The following XRCC5 variants were observed in gnomAD, a reference collection of about 807,000 sequenced individuals.
The protein encoded by XRCC5 is X-ray repair cross complementing 5, also known as DNA repair protein Ku80.
Under a neutral mutation model 95.7 loss-of-function variants are expected in XRCC5, and 12 were observed. That is an observed-to-expected ratio of 0.13 (90% CI 0.08 to 0.20). The LOEUF (loss-of-function observed/expected upper bound fraction) is 0.20. Among genes scored for constraint, XRCC5 ranks in the 10% least tolerant of loss-of-function variants. XRCC5 has a pLI of 1.00. For synonymous variants in XRCC5, 281 were observed against 290.3 expected, an observed-to-expected ratio of 0.97 and a Z score of 0.33; for missense variants, 595 against 873.9, an observed-to-expected ratio of 0.68 and a Z score of 4.02.
rs1696706517 is a variant in XRCC5 at position 216,116,859 on chromosome 2, A to G, written c.319+17A>G. On this transcript the variant is annotated intron_variant, in intron 3 of 20. Coordinates refer to ENST00000392132, the MANE Select transcript of XRCC5 (RefSeq NM_021141.4). The stretch of plus-strand genomic sequence containing the variant: ...AGGCTGACTGTATCCTTTTTCTGCC[A>G]GAGAAGACTTTAAGAAATTTCCTTT... 1.9e-6 allele frequency: 3 copies of G among 1,610,138 alleles called. No homozygotes were observed. Among genetic ancestry groups the G allele is most frequent in the Non-Finnish European group, 2.5e-6 (3 of 1,177,228 alleles).
chr2:216,159,288 G>A (rs1219701489), intron 14 of XRCC5, among the ~76,000 whole-genome samples: 2 of 152,144 alleles, frequency 1.3e-5, no homozygotes, highest in Non-Finnish European at 2.9e-5. Flanking sequence ...GAGATTACAG[G>A]CAGAGTCTTT....
chr2:216,119,473 A>G (rs886102440), intron 5 of XRCC5, among the ~76,000 whole-genome samples: 7 of 152,174 alleles, frequency 4.6e-5, no homozygotes, highest in Non-Finnish European at 1.0e-4. Flanking sequence ...AGGATATTCA[A>G]TTTGTCTCCT....
intron 16 of XRCC5, among the ~76,000 whole-genome samples, chr2:216,165,479 C>T (rs1486232123): frequency 6.6e-6 from 1 of 152,218 alleles, no homozygotes; most frequent in African/African-American, 2.4e-5. Flanking sequence ...TCCGTTTTAT[C>T]CCTTCTGCCG....
At chr2:216,199,810 C>CTTTTTTTTTTT (rs375975027) in intron 19 of XRCC5, among the ~76,000 whole-genome samples, 1 of 120,272 alleles carries the variant, frequency 8.3e-6, no homozygotes, top group African/African-American at 3.1e-5. Context: ...GCATTGGGAT[C>CTTTTTTTTTTT]TTTTTTTTTT....
chr2:216,188,060 T>C (rs1471209536), intron 16 of XRCC5, among the ~76,000 whole-genome samples: 3 of 152,084 alleles, frequency 2.0e-5, no homozygotes, highest in Admixed American at 1.3e-4. Context: ...CCATTTGCTG[T>C]CTAATCCTCA....
rs1696624735 is a variant in XRCC5, at chr2:216,113,227, C to T, written c.135+98C>T. 4 of 1,006,660 alleles carry T rather than the reference C, an allele frequency of 4.0e-6. No individual in the cohort carries two copies. In the Admixed American group the frequency reaches 9.2e-5, roughly 23 times the overall value. The allele number at this position is 1,006,660 out of a possible 1,614,324, so 62.4% of individuals were successfully genotyped here. A position where few individuals can be genotyped will look rare whatever the true frequency, so the allele number is the denominator to read the frequency against. On this transcript the variant is annotated intron_variant, in intron 2 of 20. Coordinates refer to ENST00000392132, the MANE Select transcript of XRCC5 (RefSeq NM_021141.4). ...ATACCAGCCTCCTTATAGTGTCCAG[C>T]CCCTCTGTTTGGGGGGATTCTGGGG...
chr2:216,187,817 ACACACTCTCTCTCTCTCT>A, intron 16 of XRCC5, among the ~76,000 whole-genome samples: 2 of 59,120 alleles, frequency 3.4e-5, no homozygotes, highest in East Asian at 1.5e-3. Context: ...ACACACACAC[ACACACTCTCTCTCTCTCT>A]CTCTCTCTCT....
At chr2:216,204,301 T>C in intron 19 of XRCC5, 21 bp from the exon 20 acceptor site, 1 of 1,613,644 alleles carries the variant, frequency 6.2e-7, no homozygotes, top group Non-Finnish European at 8.5e-7. Context: ...TTTGGTATGA[T>C]AACTGACTTT....
intron 18 of XRCC5, 51 bp from the exon 19 acceptor site, chr2:216,194,868 A>T: frequency 6.4e-7 from 1 of 1,574,418 alleles, no homozygotes; most frequent in Non-Finnish European, 8.7e-7. Context: ...CGAAAATGGG[A>T]TTGGGGTTGA....
chr2:216,195,392 C>CTTTTCT (rs1689700660), intron 19 of XRCC5, among the ~76,000 whole-genome samples: 2 of 48,494 alleles, frequency 4.1e-5, no homozygotes, highest in East Asian at 1.7e-3. Context: ...TTTCTTTTCT[C>CTTTTCT]TTTCTTTTCT....
chr2:216,168,511 T>G lies in XRCC5; in HGVS notation c.1834+6463T>G, dbSNP rs576055471. ...ATTTTCATTTTTCAGCGACTCTTCC[T>G]AAAAGGCTTTCATCTATTCTTACCC... is the stretch of plus-strand genomic sequence containing the variant. On this transcript the variant is annotated intron_variant, in intron 16 of 20. Coordinates refer to ENST00000392132, the MANE Select transcript of XRCC5 (RefSeq NM_021141.4). Among the ~76,000 whole-genome samples the G allele has an allele frequency of 3.3e-5, 5 of 152,368 alleles. No homozygotes were observed. In the South Asian group the frequency reaches 1.0e-3, roughly 32 times the overall value.
At chr2:216,141,048 G>T in intron 12 of XRCC5, 138 bp from the exon 13 acceptor site, 1 of 924,014 alleles carries the variant, frequency 1.1e-6, no homozygotes, top group South Asian at 2.0e-5. Context: ...TTAAATACGT[G>T]CATAGCTAGA....
chr2:216,191,384 T>C (rs1314250682), intron 17 of XRCC5, among the ~76,000 whole-genome samples: 1 of 151,860 alleles, frequency 6.6e-6, no homozygotes, highest in East Asian at 1.9e-4. Context: ...CATTCAGTCT[T>C]AATGGAGAGA....
chr2:216,185,653 C>T (rs1456854959), intron 16 of XRCC5, among the ~76,000 whole-genome samples: 1 of 151,228 alleles, frequency 6.6e-6, no homozygotes, highest in East Asian at 1.9e-4. Context: ...TCATTGGCTA[C>T]ATAAATTTGT....
intron 16 of XRCC5, among the ~76,000 whole-genome samples, chr2:216,187,821 ACTCTCTCT>A (rs371097633): frequency 0.073 from 3,454 of 47,562 alleles, 71 homozygotes; most frequent in South Asian, 0.17. Flanking sequence ...ACACACACAC[ACTCTCTCT>A]CTCTCTCTCT....
intron 16 of XRCC5, among the ~76,000 whole-genome samples, chr2:216,168,120 A>T (rs1689089110): frequency 6.6e-6 from 1 of 152,220 alleles, no homozygotes; most frequent in Admixed American, 6.5e-5. Context: ...ATACTTGCTG[A>T]AAGGGTGTGT....
At chr2:216,158,766 G>A (rs1220308963) in intron 14 of XRCC5, among the ~76,000 whole-genome samples, 1 of 152,142 alleles carries the variant, frequency 6.6e-6, no homozygotes, top group Non-Finnish European at 1.5e-5. Flanking sequence ...TTAATTCATG[G>A]ATGTATGGCT....
intron 16 of XRCC5, among the ~76,000 whole-genome samples, chr2:216,178,451 T>C (rs1194299539): frequency 6.6e-6 from 1 of 152,192 alleles, no homozygotes; most frequent in Non-Finnish European, 1.5e-5. Flanking sequence ...TTAATTGTTT[T>C]AGGGTATAAT....
intron 14 of XRCC5, among the ~76,000 whole-genome samples, chr2:216,154,928 ATTTTC>A (rs887633831): frequency 3.3e-5 from 5 of 152,136 alleles, no homozygotes; most frequent in Admixed American, 6.5e-5. Flanking sequence ...AGAGAAAACC[ATTTTC>A]TTTTTTTAAA....
Sources: gnomAD v4.1 joint callset for allele counts (sites outside exome capture counted in the v4.1 genomes callset) on GRCh38, gnomAD v4.1.1 for gene constraint, MANE v1.5 for transcripts, NCBI Gene and HGNC (gene_info 2026-07-23, HGNC 2026-07-21) for gene names.